Variants in MAPKBP1 observed in about 807,000 individuals in gnomAD.
MAPKBP1 encodes mitogen-activated protein kinase binding protein 1.
Under a neutral mutation model 170.5 loss-of-function variants are expected in MAPKBP1, and 71 were observed. That is an observed-to-expected ratio of 0.42 (90% CI 0.34 to 0.51). The LOEUF (loss-of-function observed/expected upper bound fraction) is 0.51. Ranked by LOEUF, MAPKBP1 falls within the 20% of genes least tolerant of loss-of-function variation. The pLI is 0.06. For missense variants in MAPKBP1, 1,598 were observed against 1,933.0 expected (o/e 0.83, Z 3.25); for synonymous variants, 719 against 757.9 (o/e 0.95, Z 0.84).
chr15:41,799,123 G>A (rs952200636), intron 2 of MAPKBP1, among the ~76,000 whole-genome samples: 2 of 152,114 alleles, frequency 1.3e-5, no homozygotes, highest in East Asian at 1.9e-4. Context: ...AGTGTCTCCC[G>A]TGGCCGTGTC....
chr15:41,779,271 C>T (rs962538300), intron 2 of MAPKBP1, among the ~76,000 whole-genome samples: 3 of 152,142 alleles, frequency 2.0e-5, no homozygotes, highest in Admixed American at 2.0e-4. Flanking sequence ...AGTACAGTGG[C>T]GTGATCTCGG....
At chr15:41,807,610 C>G (rs2064722311) in intron 3 of MAPKBP1, among the ~76,000 whole-genome samples, 1 of 152,196 alleles carries the variant, frequency 6.6e-6, no homozygotes, top group African/African-American at 2.4e-5. Flanking sequence ...TAGAGGGCCT[C>G]AGGTCAGCAC....
At position 41,824,054 on chromosome 15, in the gene MAPKBP1, G is replaced by A; in HGVS notation, c.4206G>A (p.Gln1402=). Residue 1402 remains glutamine, a synonymous_variant, in exon 29 of 31, where the codon CAG becomes CAA. Transcript: ENST00000457542. The stretch of plus-strand genomic sequence containing the variant: ...CCAAGCCAGGGGCAGCCCTGAGCCA[G>A]GACTCAGGTGTGCACAGCTCCCCAG... ...ECTKPGAALS[Q]DSEPAVSLEQ... is the part of the protein sequence containing the mutation. 10 of 1,600,856 alleles carry A rather than the reference G, an allele frequency of 6.2e-6. No homozygotes were observed. Among genetic ancestry groups the A allele is most frequent in the Non-Finnish European group, 7.6e-6 (9 of 1,177,762 alleles).
At position 41,803,434 on chromosome 15, in the gene MAPKBP1, A is replaced by AAAAAAAAAAAAAAAAAAAAAG. The variant is rs58804270; in HGVS notation, c.206+3521_206+3522insAAAAAAAAAAAAAAAAAAAGA. ...ATCTCAAAAAAAAAAAAAAAAAAAA[A>AAAAAAAAAAAAAAAAAAAAAG]AGGTTAAGCAGGCAGGGTGCAGTGG... On this transcript the variant is annotated intron_variant, in intron 3 of 30. Coordinates refer to ENST00000457542, the MANE Select transcript of MAPKBP1 (RefSeq NM_014994.3). 1.9e-4 allele frequency among the ~76,000 whole-genome samples: 17 copies of AAAAAAAAAAAAAAAAAAAAAG among 90,780 alleles called. 4 individuals carry two copies. The highest frequency in any genetic ancestry group is 3.2e-4 in the Admixed American group (2 of 6,344). The allele number at this position is 90,780 out of a possible 152,430, so 59.6% of individuals were successfully genotyped here.
At chr15:41,796,273 G>A (rs556192373) in intron 2 of MAPKBP1, among the ~76,000 whole-genome samples, 20 of 152,298 alleles carry the variant, frequency 1.3e-4, no homozygotes, top group African/African-American at 4.3e-4. Context: ...TGAACCTGGG[G>A]TGTGTTTGCA....
chr15:41,819,552 G>GGGGGGGGGGGGA, intron 21 of MAPKBP1, 43 bp from the exon 22 acceptor site: 3 of 1,508,684 alleles, frequency 2.0e-6, no homozygotes, highest in South Asian at 1.1e-5. Flanking sequence ...GGTGGCGGGG[G>GGGGGGGGGGGGA]GGGGGCAGGA....
chr15:41,813,548 C>G, intron 8 of MAPKBP1, 73 bp from the exon 9 acceptor site: 1 of 1,567,510 alleles, frequency 6.4e-7, no homozygotes, highest in South Asian at 1.1e-5. Context: ...TGGCAGGTGG[C>G]TGTTGATGGG....
At chr15:41,797,110 C>G (rs758560813) in intron 2 of MAPKBP1, among the ~76,000 whole-genome samples, 1 of 152,048 alleles carries the variant, frequency 6.6e-6, no homozygotes, top group African/African-American at 2.4e-5. Flanking sequence ...TAGTAGCCCA[C>G]GTCTCCTTCT....
chr15:41,786,038 C>T (rs1301311714), intron 2 of MAPKBP1, among the ~76,000 whole-genome samples: 2 of 152,078 alleles, frequency 1.3e-5, no homozygotes, highest in Non-Finnish European at 2.9e-5. Context: ...TTCCTTGTAC[C>T]TGCCAGAAAG....
chr15:41,775,124 A>T, intron 1 of MAPKBP1, 43 bp from the exon 2 acceptor site: 1 of 622,684 alleles, frequency 1.6e-6, no homozygotes, highest in South Asian at 1.9e-5. Flanking sequence ...CGCTAGGCAG[A>T]AGGTAAGACA....
At position 41,817,192 on chromosome 15, in the gene MAPKBP1, C is replaced by T. The variant is rs1203326843; in HGVS notation, c.1711+157C>T. ...GGAAGATAGGTGGAACAGAGACTCT[C>T]AGTGCTGGGACTTGAGCCAACCAGG... On this transcript the variant is annotated intron_variant, in intron 14 of 30. Transcript: ENST00000457542. The surrounding 1 kb of genome is among the most constrained non-coding windows in gnomAD (Gnocchi z 4.2). Among the ~76,000 whole-genome samples, 4 of 152,192 alleles carry T rather than the reference C, an allele frequency of 2.6e-5. No individual in the cohort carries two copies. Among genetic ancestry groups the T allele is most frequent in the Non-Finnish European group, 5.9e-5 (4 of 68,038 alleles).
At chr15:41,819,132 C>G (rs1162301656) in intron 20 of MAPKBP1, 114 bp from the exon 21 acceptor site, 65 of 1,446,776 alleles carry the variant, frequency 4.5e-5, no homozygotes, top group Non-Finnish European at 5.8e-5. Flanking sequence ...CTCCTCTCCC[C>G]CTATTGAGTC....
chr15:41,783,950 A>G (rs914588926), intron 2 of MAPKBP1, among the ~76,000 whole-genome samples: 2 of 152,014 alleles, frequency 1.3e-5, no homozygotes, highest in African/African-American at 4.8e-5. Flanking sequence ...CAGAGCTTAC[A>G]GTGAGCCGAG....
In MAPKBP1 at chr15:41,822,697, C is replaced by A. The variant is rs200211721; in HGVS notation, c.3314+20C>A. On this transcript the variant is annotated intron_variant, in intron 27 of 30. Coordinates refer to ENST00000457542, the MANE Select transcript of MAPKBP1 (RefSeq NM_014994.3). Reference sequence around the variant, plus strand: ...ACTCAGGTACAGAGGCCCCCTACCCCCCAGCAGCAGCTCTGGCTCTCCTCG... The same window carrying A: ...ACTCAGGTACAGAGGCCCCCTACCCACCAGCAGCAGCTCTGGCTCTCCTCG... 8.2e-5 allele frequency: 132 copies of A among 1,613,418 alleles called. No homozygotes were observed. Among genetic ancestry groups the A allele is most frequent in the African/African-American group, 1.7e-4 (13 of 75,024 alleles).
At position 41,814,628 on chromosome 15, in the gene MAPKBP1, G is replaced by A. The variant is rs1429122790; in HGVS notation, c.1059G>A (p.Leu353=). 1.9e-6 allele frequency: 3 copies of A among 1,614,098 alleles called. No individual in the cohort carries two copies. Among genetic ancestry groups the A allele is most frequent in the Non-Finnish European group, 2.5e-6 (3 of 1,180,048 alleles). Residue 353 remains leucine (L), a synonymous_variant, in exon 10 of 31, where the codon CTG becomes CTA. Transcript: ENST00000457542. ...ALTFDPTNQW[L]SCVYNDHSIY... is the part of the protein sequence containing the mutation. ...CCTTTGATCCTACTAATCAGTGGCT[G>A]TCTTGTGTGTACAACGATCATAGCA...
chr15:41,806,256 C>G (rs1022550710), intron 3 of MAPKBP1, among the ~76,000 whole-genome samples: 3 of 152,112 alleles, frequency 2.0e-5, no homozygotes, highest in Non-Finnish European at 4.4e-5. Flanking sequence ...GTAGCAGTGA[C>G]GGAGGTAGGG....
At chr15:41,804,848 A>G (rs2064662104) in intron 3 of MAPKBP1, among the ~76,000 whole-genome samples, 1 of 152,122 alleles carries the variant, frequency 6.6e-6, no homozygotes, top group African/African-American at 2.4e-5. Context: ...TGTCTGTGCA[A>G]ATGGCTTCTT....
At chr15:41,783,951 G>A (rs1407269834) in intron 2 of MAPKBP1, among the ~76,000 whole-genome samples, 3 of 152,076 alleles carry the variant, frequency 2.0e-5, no homozygotes, top group Admixed American at 6.5e-5. Flanking sequence ...AGAGCTTACA[G>A]TGAGCCGAGA....
At position 41,818,795 on chromosome 15, in the gene MAPKBP1, T is replaced by G. The variant is rs1332021069; in HGVS notation, c.2157-28T>G. ...CGCTAGCCATTCTACCTGCCCCTCC[T>G]TCAGCCAACTGTGTGGCTTTACCCC... On this transcript the variant is annotated intron_variant, in intron 19 of 30. Transcript: ENST00000457542. This position sits in a 1 kb window ranked among gnomAD's most constrained non-coding sequence, Gnocchi z 5.2. The G allele has an allele frequency of 1.6e-5, 25 of 1,611,022 alleles. No individual in the cohort carries two copies. The highest frequency in any genetic ancestry group is 2.0e-5 in the Non-Finnish European group (24 of 1,177,378).
Sources: gnomAD v4.1 joint callset for allele counts (sites outside exome capture counted in the v4.1 genomes callset) on GRCh38, gnomAD v4.1.1 for gene constraint, Gnocchi (gnomAD v3.1) non-coding constraint, MANE v1.5 for transcripts, NCBI Gene and HGNC (gene_info 2026-07-23, HGNC 2026-07-21) for gene names.